RAB15: variants seen among roughly 807,000 people sequenced by gnomAD.
RAB15 encodes RAB15, member RAS oncogene family.
Under a neutral mutation model 31.8 loss-of-function variants are expected in RAB15, and 13 were observed. The observed-to-expected ratio is 0.41, with a 90% CI of 0.27 to 0.65. The LOEUF (loss-of-function observed/expected upper bound fraction) is 0.65, where lower values mean the gene tolerates loss of function less well. RAB15 is among the 30% of genes least tolerant of loss of function. RAB15 has a pLI of 0.32. For synonymous variants in RAB15, 100 were observed against 105.6 expected (o/e 0.95, Z 0.33); for missense variants, 220 against 277.3 (o/e 0.79, Z 1.47).
intron 1 of RAB15, among the ~76,000 whole-genome samples, chr14:64,966,333 T>TA (rs1002651127): frequency 6.6e-6 from 1 of 152,034 alleles, no homozygotes; most frequent in Non-Finnish European, 1.5e-5. Context: ...ACTGACAGTG[T>TA]ATTCATCTCT....
chr14:64,964,867 A>G (rs1018451261), intron 1 of RAB15, among the ~76,000 whole-genome samples: 11 of 151,936 alleles, frequency 7.2e-5, no homozygotes, highest in South Asian at 2.1e-4. Context: ...GAGCCACCGC[A>G]CCCAGCCATA....
chr14:64,965,272 A>T lies in RAB15; in HGVS notation c.124+6681T>A, dbSNP rs367920396. Among the ~76,000 whole-genome samples the T allele has an allele frequency of 6.6e-5, 10 of 152,078 alleles. No individual in the cohort carries two copies. The East Asian group carries it at 1.7e-3, about 26-fold the overall frequency. The stretch of plus-strand genomic sequence containing the variant: ...CAGAAGTTCGAGACCAGCCTGGCCA[A>T]CATGGTGAAACCCCATCTCTACTAA... On this transcript the variant is annotated intron_variant, in intron 1 of 6. Coordinates refer to ENST00000533601, the MANE Select transcript of RAB15 (RefSeq NM_001308154.2).
At chr14:64,959,033 G>A (rs1886720788) in intron 1 of RAB15, among the ~76,000 whole-genome samples, 1 of 152,224 alleles carries the variant, frequency 6.6e-6, no homozygotes, top group Admixed American at 6.5e-5. Flanking sequence ...GCAGAGGCAA[G>A]GGAGCTTAGC....
At chr14:64,961,037 C>T (rs1886825323) in intron 1 of RAB15, among the ~76,000 whole-genome samples, 1 of 152,176 alleles carries the variant, frequency 6.6e-6, no homozygotes, top group Non-Finnish European at 1.5e-5. Context: ...CCTCTGGGTG[C>T]CAAATGTTAT....
At chr14:64,965,196 T>C (rs1337856536) in intron 1 of RAB15, among the ~76,000 whole-genome samples, 1 of 152,066 alleles carries the variant, frequency 6.6e-6, no homozygotes, top group East Asian at 1.9e-4. Context: ...GGTGGCTCAC[T>C]CCTGTAATCC....
In RAB15 at chr14:64,953,081, T is replaced by C. The variant is rs1366435049; in HGVS notation, c.125-510A>G. 2.6e-5 allele frequency among the ~76,000 whole-genome samples: 4 copies of C among 152,168 alleles called. No individual in the cohort carries two copies. The highest frequency in any genetic ancestry group is 7.2e-5 in the African/African-American group (3 of 41,436). ...GAGGAGGGCTCTTCCAACCCATGAT[T>C]GTACCTGAAGCCTCAGCACCCAGCC... On this transcript the variant is annotated intron_variant, in intron 1 of 6. Transcript: ENST00000533601. The surrounding 1 kb of genome is among the most constrained non-coding windows in gnomAD (Gnocchi z 4.6).
Position 64,951,116 on chromosome 14 carries a change from G to A in RAB15, c.282C>T (p.Arg94=). 1 of 1,612,780 alleles carries A rather than the reference G, an allele frequency of 6.2e-7. No individual in the cohort carries two copies. Among genetic ancestry groups the A allele is most frequent in the Non-Finnish European group, 8.5e-7 (1 of 1,179,996 alleles). ...IFLVYDISSE[R]SYQHIMKWVS... is the part of the protein sequence containing the mutation. ...CCCACTTCATGATGTGCTGGTAAGA[G>A]CGCTCGCTGCTAATGTCATAGACCA... The change falls in exon 4 of 7, where the codon CGC becomes CGT. Residue 94 remains arginine, a synonymous_variant. Coordinates refer to ENST00000533601, the MANE Select transcript of RAB15 (RefSeq NM_001308154.2). The surrounding 1 kb of genome is among the most constrained non-coding windows in gnomAD (Gnocchi z 7.2).
In RAB15 at chr14:64,964,736, C is replaced by T. The variant is rs1594951589; in HGVS notation, c.124+7217G>A. 2.0e-5 allele frequency among the ~76,000 whole-genome samples: 3 copies of T among 151,858 alleles called. No homozygotes were observed. In the South Asian group the frequency reaches 6.2e-4, roughly 32 times the overall value. On this transcript the variant is annotated intron_variant, in intron 1 of 6. Transcript: ENST00000533601. ...GATTACAGGCACCTGCCACAACACC[C>T]GGCTAATTTTTTGTATTTTTAGTAG... is the stretch of plus-strand genomic sequence containing the variant.
At chr14:64,969,262 C>T (rs1384705403) in intron 1 of RAB15, among the ~76,000 whole-genome samples, 5 of 152,138 alleles carry the variant, frequency 3.3e-5, no homozygotes, top group East Asian at 1.9e-4. Flanking sequence ...TAAAAATAAG[C>T]GAATGACTAT....
intron 1 of RAB15, among the ~76,000 whole-genome samples, chr14:64,969,272 T>C (rs1449919464): frequency 6.6e-6 from 1 of 152,224 alleles, no homozygotes; most frequent in Non-Finnish European, 1.5e-5. Flanking sequence ...CGAATGACTA[T>C]GACTTGGTAG....
In RAB15 at chr14:64,971,372, G is replaced by A. The variant is rs1447217469; in HGVS notation, c.124+581C>T. 6.6e-6 allele frequency among the ~76,000 whole-genome samples: 1 copy of A among 152,112 alleles called. No individual in the cohort carries two copies. Among genetic ancestry groups the A allele is most frequent in the African/African-American group, 2.4e-5 (1 of 41,418 alleles). On this transcript the variant is annotated intron_variant, in intron 1 of 6. Transcript: ENST00000533601. This position sits in a 1 kb window ranked among gnomAD's most constrained non-coding sequence, Gnocchi z 4.1. Reference sequence around the variant, plus strand: ...TCAGAACAGATGTCTCCTCTTCCCAGGCGCAGGGGCTCCTCACCCTATCTG... The same window carrying A: ...TCAGAACAGATGTCTCCTCTTCCCAAGCGCAGGGGCTCCTCACCCTATCTG...
chr14:64,964,907 T>C (rs1320278640), intron 1 of RAB15, among the ~76,000 whole-genome samples: 1 of 151,924 alleles, frequency 6.6e-6, no homozygotes, highest in Non-Finnish European at 1.5e-5. Flanking sequence ...CTGTTAGCCC[T>C]TTCTATAGTT....
At chr14:64,966,645 C>A (rs1205981643) in intron 1 of RAB15, among the ~76,000 whole-genome samples, 6 of 152,162 alleles carry the variant, frequency 3.9e-5, no homozygotes, top group Non-Finnish European at 8.8e-5. Context: ...TTCACAACAA[C>A]CTTTAAGAAA....
chr14:64,951,549 C>G lies in RAB15; in HGVS notation c.246+54G>C. On this transcript the variant is annotated intron_variant, in intron 3 of 6. Coordinates refer to ENST00000533601, the MANE Select transcript of RAB15 (RefSeq NM_001308154.2). This position sits in a 1 kb window ranked among gnomAD's most constrained non-coding sequence, Gnocchi z 7.2. ...GCACAGACATCTCAAATACCCAGAGCTGGGAGTGTGGGTGGCAGCTTCCCA... is the reference window on the plus strand; with the variant it reads ...GCACAGACATCTCAAATACCCAGAGGTGGGAGTGTGGGTGGCAGCTTCCCA... The G allele has an allele frequency of 1.3e-6, 2 of 1,486,850 alleles. No homozygotes were observed. Among genetic ancestry groups the G allele is most frequent in the East Asian group, 4.5e-5 (2 of 44,278 alleles). The allele number at this position is 1,486,850 out of a possible 1,614,324, so 92.1% of individuals were successfully genotyped here.
At chr14:64,961,642 T>C (rs1482161187) in intron 1 of RAB15, among the ~76,000 whole-genome samples, 1 of 152,080 alleles carries the variant, frequency 6.6e-6, no homozygotes, top group Non-Finnish European at 1.5e-5. Flanking sequence ...GCATGGTGGC[T>C]CACACCTGTA....
intron 1 of RAB15, among the ~76,000 whole-genome samples, chr14:64,967,664 A>G (rs1042676467): frequency 2.0e-5 from 3 of 152,086 alleles, no homozygotes; most frequent in African/African-American, 7.2e-5. Flanking sequence ...GGTTTACATC[A>G]TCTCACTCCT....
At chr14:64,957,993 G>C (rs1239516636) in intron 1 of RAB15, 3 of 152,306 alleles carry the variant, frequency 2.0e-5, no homozygotes, top group Non-Finnish European at 4.4e-5. Flanking sequence ...GCCCAGGCTG[G>C]AGTGCAGTGG....
At position 64,946,116 on chromosome 14, in the gene RAB15, C is replaced by G. The variant is rs2139955795; in HGVS notation, c.*2238G>C. ...GCACCCTAAAATCCCAATTCTCCTTCTGCTCCCATACCTTTTCCCAGTCAT... is the reference window on the plus strand; with the variant it reads ...GCACCCTAAAATCCCAATTCTCCTTGTGCTCCCATACCTTTTCCCAGTCAT... On this transcript the variant is annotated 3_prime_UTR_variant, in exon 7 of 7. Coordinates refer to ENST00000533601, the MANE Select transcript of RAB15 (RefSeq NM_001308154.2). The G allele has an allele frequency of 6.5e-6, 1 of 152,726 alleles. No homozygotes were observed. The highest frequency in any genetic ancestry group is 2.1e-4 in the South Asian group (1 of 4,830). The allele number at this position is 152,726 out of a possible 1,614,324, so 9.5% of individuals were successfully genotyped here.
chr14:64,952,166 C>T lies in RAB15; in HGVS notation c.185+345G>A, dbSNP rs1186726114. On this transcript the variant is annotated intron_variant, in intron 2 of 6. Coordinates refer to ENST00000533601, the MANE Select transcript of RAB15 (RefSeq NM_001308154.2). This position sits in a 1 kb window ranked among gnomAD's most constrained non-coding sequence, Gnocchi z 4.2. ...ATCCTGAGGAACTCTCTCAGGGTCT[C>T]GCCCTAAATGATGGGGGGTGTAGCC... 1.3e-5 allele frequency among the ~76,000 whole-genome samples: 2 copies of T among 152,170 alleles called. No individual in the cohort carries two copies. The highest frequency in any genetic ancestry group is 6.5e-5 in the Admixed American group (1 of 15,288).
Sources: gnomAD v4.1 joint callset for allele counts (sites outside exome capture counted in the v4.1 genomes callset) on GRCh38, gnomAD v4.1.1 for gene constraint, Gnocchi (gnomAD v3.1) non-coding constraint, MANE v1.5 for transcripts, NCBI Gene and HGNC (gene_info 2026-07-23, HGNC 2026-07-21) for gene names.